The following TYW1B variants were observed in gnomAD, a reference collection of about 807,000 sequenced individuals.
TYW1B encodes tRNA-yW synthesizing protein 1 homolog B.
TYW1B carries 73 observed loss-of-function variants against 86.9 expected under a neutral mutation model. The observed-to-expected ratio is 0.84, with a 90% CI of 0.70 to 1.02. The LOEUF (loss-of-function observed/expected upper bound fraction) is 1.02, where lower values mean the gene tolerates loss of function less well. Ranked by LOEUF, TYW1B falls within the 50% of genes least tolerant of loss-of-function variation. TYW1B has a pLI of 0.00. For synonymous variants in TYW1B, 248 were observed against 292.8 expected (o/e 0.85, Z 1.56); for missense variants, 637 against 827.4 (o/e 0.77, Z 2.82).
intron 11 of TYW1B, among the ~76,000 whole-genome samples, chr7:72,660,200 C>T (rs575407903): frequency 6.6e-6 from 1 of 152,186 alleles, no homozygotes; most frequent in South Asian, 2.1e-4. Context: ...AAGACCTCAT[C>T]TCTACTAAAA....
intron 12 of TYW1B, among the ~76,000 whole-genome samples, chr7:72,619,756 T>C (rs868988494): frequency 5.3e-5 from 8 of 152,084 alleles, no homozygotes; most frequent in South Asian, 4.2e-4. Flanking sequence ...GCATTAGTCA[T>C]AAAAGTGTAC....
intron 6 of TYW1B, among the ~76,000 whole-genome samples, chr7:72,780,493 T>C (rs1788032827): frequency 6.6e-6 from 1 of 152,180 alleles, no homozygotes; most frequent in Admixed American, 6.6e-5. Flanking sequence ...AATCCAAAAC[T>C]GGACCGAGGT....
chr7:72,782,310 A>T (rs1788063123), intron 6 of TYW1B, among the ~76,000 whole-genome samples: 1 of 152,102 alleles, frequency 6.6e-6, no homozygotes, highest in African/African-American at 2.4e-5. Context: ...AAATTTAAAA[A>T]AAATCATACA....
chr7:72,798,110 T>C (rs1169859952), intron 6 of TYW1B, among the ~76,000 whole-genome samples: 3 of 151,998 alleles, frequency 2.0e-5, no homozygotes, highest in African/African-American at 7.2e-5. Context: ...AAATCTTAAG[T>C]CCGTCTCAGC....
chr7:72,593,953 G>A (rs1438056982), intron 13 of TYW1B, among the ~76,000 whole-genome samples: 3 of 147,422 alleles, frequency 2.0e-5, no homozygotes, highest in Non-Finnish European at 4.5e-5. Flanking sequence ...AGGGAAATTA[G>A]AAAATGCTTA....
intron 10 of TYW1B, among the ~76,000 whole-genome samples, chr7:72,707,858 G>C (rs576335173): frequency 7.2e-5 from 11 of 152,190 alleles, no homozygotes; most frequent in Non-Finnish European, 1.3e-4. Flanking sequence ...TGGGTGATGG[G>C]GACTTCCCCC....
At chr7:72,783,338 C>T (rs546333274) in intron 6 of TYW1B, among the ~76,000 whole-genome samples, 43 of 120,446 alleles carry the variant, frequency 3.6e-4, no homozygotes, top group Admixed American at 2.3e-3. Context: ...GCGGAGGTTG[C>T]AATGAGCCAA....
At chr7:72,742,095 G>A (rs1208586240) in intron 8 of TYW1B, among the ~76,000 whole-genome samples, 1 of 152,242 alleles carries the variant, frequency 6.6e-6, no homozygotes, top group African/African-American at 2.4e-5. Flanking sequence ...AGTCACCACT[G>A]TTGTATTTTT....
intron 13 of TYW1B, among the ~76,000 whole-genome samples, chr7:72,579,128 CA>C (rs1811090706): frequency 6.6e-6 from 1 of 151,898 alleles, no homozygotes; most frequent in Non-Finnish European, 1.5e-5. Context: ...TATACACACA[CA>C]AGCTGGGAAT....
chr7:72,810,841 G>A (rs1183231014), intron 3 of TYW1B, among the ~76,000 whole-genome samples, 176 bp from the exon 4 acceptor site: 2 of 151,980 alleles, frequency 1.3e-5, no homozygotes, highest in Admixed American at 1.3e-4. Context: ...CAGCTTGCAC[G>A]GGGGAGAAAA....
chr7:72,743,801 G>A (rs1486111983), intron 8 of TYW1B, among the ~76,000 whole-genome samples: 2 of 146,946 alleles, frequency 1.4e-5, no homozygotes, highest in Non-Finnish European at 3.0e-5. Flanking sequence ...CCGAGATGAC[G>A]CCACTGCCCT....
At chr7:72,674,936 C>G in intron 11 of TYW1B, among the ~76,000 whole-genome samples, 1 of 151,592 alleles carries the variant, frequency 6.6e-6, no homozygotes, top group Middle Eastern at 3.2e-3. Flanking sequence ...GGATTTCTAG[C>G]CTTAGAATAA....
At chr7:72,826,805 T>C (rs1283465583) in intron 2 of TYW1B, 50 bp downstream of exon 2, 1 of 1,587,810 alleles carries the variant, frequency 6.3e-7, no homozygotes, top group Non-Finnish European at 8.5e-7. Flanking sequence ...TTAAATCCTC[T>C]ATAAAATCTG....
rs1441907609 is a variant in TYW1B, at chr7:72,619,412, C to T, written c.1618-2573G>A. On this transcript the variant is annotated intron_variant, in intron 12 of 13. Transcript: ENST00000620995. ...ATCCCAGCACTTTGGGAGGCCGAGG[C>T]GGGTGGATCATGAGGTCAGGAGATC... is the stretch of plus-strand genomic sequence containing the variant. 1.1e-4 allele frequency among the ~76,000 whole-genome samples: 17 copies of T among 151,992 alleles called. No homozygotes were observed. The East Asian group carries it at 1.7e-3, about 16-fold the overall frequency.
intron 7 of TYW1B, among the ~76,000 whole-genome samples, chr7:72,760,768 C>T (rs1331475118): frequency 6.6e-6 from 1 of 152,026 alleles, no homozygotes; most frequent in African/African-American, 2.4e-5. Context: ...AGGTTTACTG[C>T]TCAGACAGTT....
intron 7 of TYW1B, among the ~76,000 whole-genome samples, chr7:72,771,983 A>T (rs1197107078): frequency 2.0e-5 from 3 of 151,408 alleles, no homozygotes; most frequent in Non-Finnish European, 4.4e-5. Context: ...CGTAATTGGG[A>T]CTACAGTTGT....
intron 7 of TYW1B, 94 bp from the exon 8 acceptor site, chr7:72,744,695 C>T (rs528975354): frequency 7.4e-6 from 10 of 1,343,820 alleles, no homozygotes; most frequent in Middle Eastern, 1.8e-4. Context: ...CCATGTGTTT[C>T]GTAACCATGA....
chr7:72,712,493 T>C (rs1221458244), intron 10 of TYW1B, among the ~76,000 whole-genome samples: 2 of 152,126 alleles, frequency 1.3e-5, no homozygotes, highest in African/African-American at 2.4e-5. Context: ...CATGCCCAGC[T>C]AATTTTGTAT....
intron 11 of TYW1B, among the ~76,000 whole-genome samples, chr7:72,693,834 G>T (rs1563061254): frequency 6.6e-6 from 1 of 152,062 alleles, no homozygotes; most frequent in Non-Finnish European, 1.5e-5. Flanking sequence ...TATTTAAAAT[G>T]CAGTATAACA....
Sources: allele counts gnomAD v4.1 joint callset (sites outside exome capture counted in the v4.1 genomes callset), GRCh38; gene constraint gnomAD v4.1.1; transcripts MANE v1.5; gene names NCBI Gene and HGNC (gene_info 2026-07-23, HGNC 2026-07-21).